The following MAP4K3 variants were observed in gnomAD, a reference collection of about 807,000 sequenced individuals.
MAP4K3 encodes mitogen-activated protein kinase kinase kinase kinase 3.
Under a neutral mutation model 143.5 loss-of-function variants are expected in MAP4K3, and 94 were observed. The observed-to-expected ratio is 0.65, with a 90% CI of 0.55 to 0.78. MAP4K3 has a LOEUF of 0.78. Among genes scored for constraint, MAP4K3 ranks in the 30% least tolerant of loss-of-function variants. MAP4K3 has a pLI of 0.00. For missense variants in MAP4K3, 1,077 were observed against 1,068.1 expected, an observed-to-expected ratio of 1.01 and a Z score of -0.12; for synonymous variants, 416 against 347.2, an observed-to-expected ratio of 1.20 and a Z score of -2.20.
chr2:39,262,935 T>C (rs1293399650), intron 28 of MAP4K3, among the ~76,000 whole-genome samples: 2 of 151,888 alleles, frequency 1.3e-5, no homozygotes, highest in Non-Finnish European at 2.9e-5. Flanking sequence ...TGAAACCCCA[T>C]CTCTACTAAA....
chr2:39,407,128 T>C (rs1428647493), intron 1 of MAP4K3, among the ~76,000 whole-genome samples: 2 of 152,216 alleles, frequency 1.3e-5, no homozygotes, highest in South Asian at 2.1e-4. Context: ...GAACAAAAAT[T>C]GGTCATCTCC....
intron 12 of MAP4K3, among the ~76,000 whole-genome samples, chr2:39,316,725 T>C (rs1394554812): frequency 6.6e-6 from 1 of 152,104 alleles, no homozygotes; most frequent in Non-Finnish European, 1.5e-5. Flanking sequence ...AATGAAAGAT[T>C]ACACTTAACA....
chr2:39,329,309 C>T (rs1249608031), intron 8 of MAP4K3, among the ~76,000 whole-genome samples: 1 of 152,124 alleles, frequency 6.6e-6, no homozygotes. Context: ...CAACCCAAAA[C>T]AATAAAGAGA....
intron 13 of MAP4K3, among the ~76,000 whole-genome samples, chr2:39,313,446 CTTT>C (rs1207539428): frequency 1.2e-5 from 1 of 80,566 alleles, no homozygotes; most frequent in African/African-American, 2.7e-5. Context: ...TGATGTTCTT[CTTT>C]CTTTCCTTCT....
intron 15 of MAP4K3, among the ~76,000 whole-genome samples, chr2:39,303,268 A>G (rs1682577555): frequency 6.6e-6 from 1 of 152,186 alleles, no homozygotes; most frequent in East Asian, 1.9e-4. Context: ...TGATTTATAG[A>G]AATAGAGAGG....
At chr2:39,303,091 G>C (rs1422196033) in intron 15 of MAP4K3, 1 of 166,920 alleles carries the variant, frequency 6.0e-6, no homozygotes, top group Non-Finnish European at 1.5e-5. Context: ...GAAAGCAGCA[G>C]GAAGTCAATA....
chr2:39,256,034 T>A (rs1210468599), intron 31 of MAP4K3, among the ~76,000 whole-genome samples: 1 of 152,226 alleles, frequency 6.6e-6, no homozygotes, highest in African/African-American at 2.4e-5. Flanking sequence ...TAGATAATGA[T>A]CTTAAAAATG....
intron 28 of MAP4K3, among the ~76,000 whole-genome samples, chr2:39,263,073 C>T (rs1448376673): frequency 6.6e-6 from 1 of 151,726 alleles, no homozygotes; most frequent in South Asian, 2.1e-4. Flanking sequence ...GCCTGGCCAA[C>T]AGAACCAGAC....
At chr2:39,314,272 C>T (rs1004198544) in intron 13 of MAP4K3, among the ~76,000 whole-genome samples, 4 of 152,114 alleles carry the variant, frequency 2.6e-5, no homozygotes, top group African/African-American at 4.8e-5. Flanking sequence ...TCAAGTGATC[C>T]GCCCGCCTCG....
At chr2:39,368,686 A>T (rs1458325647) in intron 2 of MAP4K3, among the ~76,000 whole-genome samples, 1 of 152,100 alleles carries the variant, frequency 6.6e-6, no homozygotes, top group African/African-American at 2.4e-5. Context: ...AAAAGAAAAA[A>T]AAAATCCCAA....
intron 20 of MAP4K3, 66 bp downstream of exon 20, chr2:39,288,055 A>T (rs1253046339): frequency 6.4e-6 from 10 of 1,570,608 alleles, no homozygotes; most frequent in Non-Finnish European, 8.7e-6. Flanking sequence ...CTCTTAAAAG[A>T]AAGTTTTTTT....
chr2:39,257,675 T>C lies in MAP4K3; in HGVS notation c.2470+673A>G, dbSNP rs945921382. On this transcript the variant is annotated intron_variant, in intron 31 of 33. Coordinates refer to ENST00000263881, the MANE Select transcript of MAP4K3 (RefSeq NM_003618.4). ...TCAGCCGGGGGTGGTGGCGGGCGCC[T>C]GTAATCCCAGCTACTCGGGAGACTG... 2.3e-3 allele frequency among the ~76,000 whole-genome samples: 344 copies of C among 151,094 alleles called. 1 individual carries two copies. Among genetic ancestry groups the C allele is most frequent in the African/African-American group, 8.1e-3 (334 of 41,174 alleles).
intron 2 of MAP4K3, among the ~76,000 whole-genome samples, chr2:39,371,823 ATG>A (rs1435819199): frequency 2.6e-5 from 4 of 151,362 alleles, no homozygotes; most frequent in Non-Finnish European, 5.9e-5. Context: ...ATATATATAT[ATG>A]TATATATATA....
chr2:39,325,211 T>C (rs1683447234), intron 12 of MAP4K3, among the ~76,000 whole-genome samples: 1 of 152,188 alleles, frequency 6.6e-6, no homozygotes. Flanking sequence ...TTACAGTGAA[T>C]GATTATTTGG....
rs113293148 is a variant in MAP4K3 at position 39,426,333 on chromosome 2, C to T, written c.96+10559G>A. Among the ~76,000 whole-genome samples the T allele has an allele frequency of 1.2e-3, 186 of 152,182 alleles. 3 individuals carry two copies. Among genetic ancestry groups the T allele is most frequent in the African/African-American group, 4.3e-3 (180 of 41,552 alleles). ...GAAGAGTCTTAGAAACTAAAAATAG[C>T]ATATGATTCTCCTGGATTTCTGGAG... On this transcript the variant is annotated intron_variant, in intron 1 of 33. Coordinates refer to ENST00000263881, the MANE Select transcript of MAP4K3 (RefSeq NM_003618.4).
chr2:39,425,089 A>G lies in MAP4K3; in HGVS notation c.96+11803T>C, dbSNP rs555292678. On this transcript the variant is annotated intron_variant, in intron 1 of 33. Coordinates refer to ENST00000263881, the MANE Select transcript of MAP4K3 (RefSeq NM_003618.4). ...GCAAAACTGTTTTGGAAGGACAGCC[A>G]CAGTCTCCCACCCACTCCCCACCAC... Among the ~76,000 whole-genome samples, 212 of 152,202 alleles carry G rather than the reference A, an allele frequency of 1.4e-3. 1 individual carries two copies. Among genetic ancestry groups the G allele is most frequent in the Non-Finnish European group, 1.8e-3 (125 of 67,996 alleles).
At chr2:39,300,983 T>C (rs1019320627) in intron 15 of MAP4K3, among the ~76,000 whole-genome samples, 5 of 152,216 alleles carry the variant, frequency 3.3e-5, no homozygotes, top group African/African-American at 1.2e-4. Flanking sequence ...AACTGTTTAT[T>C]TTCCCATAAA....
rs575844761 is a variant in MAP4K3 at position 39,332,617 on chromosome 2, T to C, written c.458-628A>G. Among the ~76,000 whole-genome samples the C allele has an allele frequency of 1.4e-3, 215 of 152,164 alleles. 5 individuals are homozygous for C. The South Asian group carries it at 0.044, about 31-fold the overall frequency. ...CTAAAACCTTCTCAAGTAAGATATA[T>C]TATAAATAGTATGTCTTTGAGTGAG... On this transcript the variant is annotated intron_variant, in intron 7 of 33. Transcript: ENST00000263881.
At chr2:39,305,414 T>C (rs183912598) in intron 15 of MAP4K3, among the ~76,000 whole-genome samples, 1 of 152,302 alleles carries the variant, frequency 6.6e-6, no homozygotes, top group Admixed American at 6.5e-5. Flanking sequence ...TATTCTTAGC[T>C]AAAGACTAAC....
Sources: allele counts gnomAD v4.1 joint callset (sites outside exome capture counted in the v4.1 genomes callset), GRCh38; gene constraint gnomAD v4.1.1; transcripts MANE v1.5; gene names NCBI Gene and HGNC (gene_info 2026-07-23, HGNC 2026-07-21).